Variants in PDE11A observed in about 807,000 individuals in gnomAD.
PDE11A encodes the protein phosphodiesterase 11A, also known as dual 3',5'-cyclic-AMP and -GMP phosphodiesterase 11A.
A neutral mutation model predicts 100.5 loss-of-function variants in PDE11A; 100 were observed. That is an observed-to-expected ratio of 1.00 (90% CI 0.85 to 1.18). PDE11A has a LOEUF of 1.18. Ranked by LOEUF, PDE11A falls within the 50% of genes most tolerant of loss-of-function variation. The pLI is 0.00. For synonymous variants in PDE11A, 381 were observed against 420.8 expected, an observed-to-expected ratio of 0.91 and a Z score of 1.16; for missense variants, 1,141 against 1,152.6, an observed-to-expected ratio of 0.99 and a Z score of 0.15.
intron 5 of PDE11A, among the ~76,000 whole-genome samples, chr2:177,855,999 C>T (rs982613592): frequency 1.2e-4 from 18 of 151,518 alleles, no homozygotes; most frequent in Admixed American, 2.6e-4. Flanking sequence ...TCACCTCTAG[C>T]AGATTTTGAA....
intron 1 of PDE11A, among the ~76,000 whole-genome samples, chr2:178,050,717 A>T (rs1459492844): frequency 6.6e-6 from 1 of 152,158 alleles, no homozygotes; most frequent in Admixed American, 6.6e-5. Flanking sequence ...CATGCACAAG[A>T]TTCAGTAGCC....
Position 177,840,284 on chromosome 2 carries a change from A to G in PDE11A, c.1467T>C (p.Ser489=). The change falls in exon 6 of 20, where the codon AGT becomes AGC. Residue 489 remains serine, a synonymous_variant. Transcript: ENST00000286063. ...VASTGLPVNI[S]DAYQDPRFDA... ...CAAAGCGCGGATCCTGGTAGGCATC[A>G]CTGATGTTCACTGGAAGGCCTGTTG... 1 of 1,614,122 alleles carries G rather than the reference A, an allele frequency of 6.2e-7. No homozygotes were observed. The highest frequency in any genetic ancestry group is 1.1e-5 in the South Asian group (1 of 91,076).
At chr2:177,674,793 A>C (rs1190085508) in intron 17 of PDE11A, among the ~76,000 whole-genome samples, 1 of 152,210 alleles carries the variant, frequency 6.6e-6, no homozygotes, top group Non-Finnish European at 1.5e-5. Context: ...CTAAAACGTC[A>C]AGTCTTTAGA....
chr2:177,811,420 T>C (rs1346738087), intron 9 of PDE11A, among the ~76,000 whole-genome samples: 2 of 151,772 alleles, frequency 1.3e-5, no homozygotes, highest in Non-Finnish European at 2.9e-5. Flanking sequence ...ATTTTAACAA[T>C]AGAATTGTAT....
At chr2:178,021,820 G>GAC (rs1360545101) in intron 1 of PDE11A, among the ~76,000 whole-genome samples, 3 of 151,216 alleles carry the variant, frequency 2.0e-5, no homozygotes, top group Non-Finnish European at 4.4e-5. Flanking sequence ...AGGTGGAAGG[G>GAC]AGTGTCCCAG....
chr2:177,705,061 C>T (rs1163993759), intron 13 of PDE11A, among the ~76,000 whole-genome samples: 7 of 152,064 alleles, frequency 4.6e-5, no homozygotes, highest in African/African-American at 7.2e-5. Context: ...AGGCTGGTCT[C>T]GAACTCCTGA....
chr2:177,790,148 G>C lies in PDE11A; in HGVS notation c.1738-20775C>G, dbSNP rs1361431963. 2.7e-5 allele frequency among the ~76,000 whole-genome samples: 4 copies of C among 150,462 alleles called. No homozygotes were observed. In the South Asian group the frequency reaches 8.5e-4, roughly 32 times the overall value. ...ACCTGACTTCAAACTATACTACAAG[G>C]CTACAGTAACCAAAACAGCATGGTA... On this transcript the variant is annotated intron_variant, in intron 9 of 19. Coordinates refer to ENST00000286063, the MANE Select transcript of PDE11A (RefSeq NM_016953.4).
chr2:178,075,139 G>A (rs1016366242), upstream of PDE11A, among the ~76,000 whole-genome samples: 21 of 152,126 alleles, frequency 1.4e-4, no homozygotes, highest in Non-Finnish European at 2.1e-4. Context: ...GACTCATAGC[G>A]GTAGAGAAGT....
chr2:177,866,084 T>G (rs2695723), intron 5 of PDE11A, among the ~76,000 whole-genome samples: 2 of 152,246 alleles, frequency 1.3e-5, no homozygotes, highest in African/African-American at 4.8e-5. Context: ...CCAAGTAAGA[T>G]TAATAAAAAT....
chr2:177,783,541 T>C (rs1385230648), intron 9 of PDE11A, among the ~76,000 whole-genome samples: 2 of 152,214 alleles, frequency 1.3e-5, no homozygotes, highest in African/African-American at 4.8e-5. Flanking sequence ...CCTTTTTTCC[T>C]GAGGCCCTGC....
rs567527727 is a variant in PDE11A, at chr2:178,013,713, C to G, written c.1071+589G>C. Among the ~76,000 whole-genome samples the G allele has an allele frequency of 2.6e-5, 4 of 152,264 alleles. No individual in the cohort carries two copies. In the South Asian group the frequency reaches 8.3e-4, roughly 32 times the overall value. On this transcript the variant is annotated intron_variant, in intron 2 of 19. Coordinates refer to ENST00000286063, the MANE Select transcript of PDE11A (RefSeq NM_016953.4). ...CTTCAGTTCTTTGAGGACTCTCTCT[C>G]TTTTAATATAAACTGGTAAATAAAC...
At chr2:177,730,888 T>C (rs2081678022) in intron 10 of PDE11A, among the ~76,000 whole-genome samples, 1 of 152,134 alleles carries the variant, frequency 6.6e-6, no homozygotes, top group Admixed American at 6.6e-5. Flanking sequence ...AACAGATCTC[T>C]AGAACTTTTT....
At chr2:177,872,474 C>T (rs905628720) in intron 5 of PDE11A, among the ~76,000 whole-genome samples, 2 of 152,124 alleles carry the variant, frequency 1.3e-5, no homozygotes, top group Non-Finnish European at 2.9e-5. Context: ...TATGACAAAG[C>T]AGTGAAAGAC....
intron 5 of PDE11A, among the ~76,000 whole-genome samples, chr2:177,867,886 G>C (rs1399914700): frequency 6.6e-6 from 1 of 152,208 alleles, no homozygotes; most frequent in East Asian, 1.9e-4. Context: ...AAGACAAAGG[G>C]TGGTAACCCA....
intron 4 of PDE11A, among the ~76,000 whole-genome samples, chr2:177,896,052 A>G (rs2084606710): frequency 6.6e-6 from 1 of 152,210 alleles, no homozygotes; most frequent in South Asian, 2.1e-4. Context: ...AGAAAAGAGA[A>G]GAAATGATGA....
chr2:177,945,055 C>T (rs561449664), intron 2 of PDE11A, among the ~76,000 whole-genome samples: 89 of 149,646 alleles, frequency 5.9e-4, no homozygotes, highest in African/African-American at 2.1e-3. Context: ...CCCCTAACCG[C>T]GAGTGATCCG....
chr2:177,888,996 C>G (rs931442385), intron 4 of PDE11A, among the ~76,000 whole-genome samples: 3 of 152,194 alleles, frequency 2.0e-5, no homozygotes, highest in Non-Finnish European at 4.4e-5. Context: ...ATTCAATACT[C>G]AATACCCATC....
At chr2:177,852,348 A>G (rs1459048897) in intron 5 of PDE11A, among the ~76,000 whole-genome samples, 1 of 151,786 alleles carries the variant, frequency 6.6e-6, no homozygotes, top group Non-Finnish European at 1.5e-5. Flanking sequence ...TCAAATAACT[A>G]TTTGGGACAG....
chr2:177,721,806 A>G (rs1167267835), intron 12 of PDE11A, among the ~76,000 whole-genome samples: 1 of 152,238 alleles, frequency 6.6e-6, no homozygotes. Context: ...AAAGTGCCAC[A>G]GAGCCCAGGT....
Sources: allele counts gnomAD v4.1 joint callset (sites outside exome capture counted in the v4.1 genomes callset), GRCh38; gene constraint gnomAD v4.1.1; transcripts MANE v1.5; gene names NCBI Gene and HGNC (gene_info 2026-07-23, HGNC 2026-07-21).